Variants in MALT1 observed in about 807,000 individuals in gnomAD.
MALT1 encodes mucosa-associated lymphoid tissue lymphoma translocation protein 1.
A neutral mutation model predicts 85.5 loss-of-function variants in MALT1; 36 were observed. That is an observed-to-expected ratio of 0.42 (90% CI 0.32 to 0.56). MALT1 has a LOEUF of 0.56. MALT1 is among the 20% of genes least tolerant of loss of function. The pLI is 0.10. For synonymous variants in MALT1, 359 were observed against 361.3 expected (o/e 0.99, Z 0.07); for missense variants, 716 against 981.6 (o/e 0.73, Z 3.62).
chr18:58,675,868 A>C (rs2054232162), intron 1 of MALT1, among the ~76,000 whole-genome samples: 1 of 152,306 alleles, frequency 6.6e-6, no homozygotes, highest in Non-Finnish European at 1.5e-5. Flanking sequence ...TGAATGACTA[A>C]GACACGTCTT....
chr18:58,723,210 CTGTGG>C lies in MALT1; in HGVS notation c.1182_1186del (p.Val395Ter). The C allele has an allele frequency of 6.2e-7, 1 of 1,613,806 alleles. No homozygotes were observed. Among genetic ancestry groups the C allele is most frequent in the Non-Finnish European group, 8.5e-7 (1 of 1,179,788 alleles). Reference sequence around the variant, plus strand: ...CTTACTGAATATGAGATGCGTAATGCTGTGGATGAGTTTTTACTCCTTTTAGACAA... The same window carrying C: ...CTTACTGAATATGAGATGCGTAATGCATGAGTTTTTACTCCTTTTAGACAA... On this transcript the variant is annotated frameshift_variant, in exon 10 of 17. Transcript: ENST00000649217. LOFTEE classifies it high-confidence loss of function.
chr18:58,730,333 G>A lies in MALT1; in HGVS notation c.1223-3064G>A, dbSNP rs558724835. 8.5e-5 allele frequency among the ~76,000 whole-genome samples: 13 copies of A among 152,078 alleles called. No homozygotes were observed. The South Asian group carries it at 1.0e-3, about 12-fold the overall frequency. On this transcript the variant is annotated intron_variant, in intron 10 of 16. Coordinates refer to ENST00000649217, the MANE Select transcript of MALT1 (RefSeq NM_006785.4). ...CCCATTCCTCCTTACCCCAGCCCCT[G>A]GCAACCACCAATCTATTTTCTGTTT... is the stretch of plus-strand genomic sequence containing the variant.
chr18:58,719,307 A>C (rs1325336571), intron 9 of MALT1, among the ~76,000 whole-genome samples: 5 of 142,492 alleles, frequency 3.5e-5, no homozygotes, highest in East Asian at 2.1e-4. Flanking sequence ...GACTGAAAAA[A>C]TCTCCCTCCC....
chr18:58,726,613 T>G (rs2055058335), intron 10 of MALT1, among the ~76,000 whole-genome samples: 1 of 152,242 alleles, frequency 6.6e-6, no homozygotes, highest in African/African-American at 2.4e-5. Flanking sequence ...GTTTTAAACA[T>G]ATGTAAACAT....
intron 14 of MALT1, among the ~76,000 whole-genome samples, chr18:58,743,062 TTTA>T (rs769434144): frequency 6.6e-6 from 1 of 152,172 alleles, no homozygotes; most frequent in East Asian, 1.9e-4. Flanking sequence ...ATAAAATATC[TTTA>T]TTTTCATAAA....
intron 4 of MALT1, among the ~76,000 whole-genome samples, chr18:58,703,034 C>T (rs574509184): frequency 3.3e-5 from 5 of 152,072 alleles, no homozygotes; most frequent in Non-Finnish European, 5.9e-5. Flanking sequence ...TTTAGTCTTC[C>T]GTAAACTCAA....
chr18:58,739,109 A>G (rs376038551), intron 13 of MALT1, among the ~76,000 whole-genome samples: 3 of 152,092 alleles, frequency 2.0e-5, no homozygotes, highest in African/African-American at 4.8e-5. Flanking sequence ...TTTTCTTTCA[A>G]TTTCTTAATA....
intron 10 of MALT1, among the ~76,000 whole-genome samples, chr18:58,727,318 G>C (rs2055070191): frequency 6.6e-6 from 1 of 151,678 alleles, no homozygotes; most frequent in African/African-American, 2.4e-5. Context: ...TTTGTTTTTT[G>C]ATACGGATGG....
intron 2 of MALT1, among the ~76,000 whole-genome samples, chr18:58,684,725 C>T (rs964661428): frequency 6.6e-6 from 1 of 151,926 alleles, no homozygotes; most frequent in African/African-American, 2.4e-5. Context: ...GGATTACAGG[C>T]GTGAGCCACT....
chr18:58,708,662 A>C (rs1312548819), intron 4 of MALT1, among the ~76,000 whole-genome samples: 1 of 152,172 alleles, frequency 6.6e-6, no homozygotes, highest in Non-Finnish European at 1.5e-5. Context: ...TCCAGAAATA[A>C]TCCTGATGAA....
chr18:58,727,995 T>G (rs1046450331), intron 10 of MALT1, among the ~76,000 whole-genome samples: 7 of 152,222 alleles, frequency 4.6e-5, no homozygotes, highest in Admixed American at 2.0e-4. Flanking sequence ...CGTGTAAGCC[T>G]GCTGGGGTGG....
intron 2 of MALT1, among the ~76,000 whole-genome samples, chr18:58,684,163 G>A (rs1002719212): frequency 3.3e-5 from 5 of 152,104 alleles, no homozygotes; most frequent in Non-Finnish European, 2.9e-5. Context: ...GAACTCCTGG[G>A]CTCTAAGCAG....
intron 15 of MALT1, among the ~76,000 whole-genome samples, chr18:58,745,431 C>A (rs2055352507): frequency 6.6e-6 from 1 of 152,174 alleles, no homozygotes; most frequent in Non-Finnish European, 1.5e-5. Context: ...TGAAAGGAAG[C>A]TCTTTCAGAG....
rs1214124384 is a variant in MALT1 at position 58,716,703 on chromosome 18, T to A, written c.1018+736T>A. 5.9e-5 allele frequency among the ~76,000 whole-genome samples: 9 copies of A among 152,142 alleles called. No homozygotes were observed. The East Asian group carries it at 1.7e-3, about 29-fold the overall frequency. ...AGTGAACAAATGAAGACAGTACATA[T>A]TAATTTGTTGGAAAGAAAGAGTGGT... On this transcript the variant is annotated intron_variant, in intron 9 of 16. Coordinates refer to ENST00000649217, the MANE Select transcript of MALT1 (RefSeq NM_006785.4).
At chr18:58,712,364 A>C (rs1314624118) in intron 7 of MALT1, among the ~76,000 whole-genome samples, 3 of 152,170 alleles carry the variant, frequency 2.0e-5, no homozygotes, top group Non-Finnish European at 4.4e-5. Flanking sequence ...TGATCAGACT[A>C]TTCAGCCATA....
chr18:58,694,507 G>A (rs983371710), intron 2 of MALT1, among the ~76,000 whole-genome samples: 1 of 152,172 alleles, frequency 6.6e-6, no homozygotes, highest in Non-Finnish European at 1.5e-5. Context: ...GTAGGTGCAG[G>A]AAATTAAGTT....
At chr18:58,715,717 G>A (rs574897149) in intron 8 of MALT1, among the ~76,000 whole-genome samples, 6 of 152,226 alleles carry the variant, frequency 3.9e-5, no homozygotes, top group East Asian at 1.9e-4. Context: ...CATATAGAAC[G>A]GTGCCAGCTG....
intron 7 of MALT1, among the ~76,000 whole-genome samples, chr18:58,711,369 T>A (rs1250812135): frequency 6.6e-6 from 1 of 152,222 alleles, no homozygotes; most frequent in Non-Finnish European, 1.5e-5. Context: ...CAAATGAAAT[T>A]TAGTTTTTAT....
intron 2 of MALT1, among the ~76,000 whole-genome samples, chr18:58,686,055 TCTCA>T (rs917255637): frequency 6.6e-6 from 1 of 152,172 alleles, no homozygotes; most frequent in African/African-American, 2.4e-5. Context: ...GCTTTTTGAG[TCTCA>T]CTCTGTCACC....
Sources: gnomAD v4.1 joint callset for allele counts (sites outside exome capture counted in the v4.1 genomes callset) on GRCh38, gnomAD v4.1.1 for gene constraint, MANE v1.5 for transcripts, NCBI Gene and HGNC (gene_info 2026-07-23, HGNC 2026-07-21) for gene names.